Variants in ADAM23 observed in about 807,000 individuals in gnomAD.
ADAM23 encodes ADAM metallopeptidase domain 23.
ADAM23 carries 33 observed loss-of-function variants against 120.1 expected under a neutral mutation model. That is an observed-to-expected ratio of 0.27 (90% CI 0.21 to 0.37). The LOEUF is 0.37. ADAM23 is among the 10% of genes least tolerant of loss of function. The pLI is 1.00. For synonymous variants in ADAM23, 367 were observed against 375.2 expected (o/e 0.98, Z 0.25); for missense variants, 862 against 1,058.2 (o/e 0.81, Z 2.57).
intron 3 of ADAM23, among the ~76,000 whole-genome samples, chr2:206,491,733 A>G (rs972417160): frequency 1.3e-5 from 2 of 152,152 alleles, no homozygotes; most frequent in Admixed American, 6.5e-5. Flanking sequence ...GGGTTGTGTA[A>G]TTTTCATTAT....
chr2:206,596,225 C>A, intron 24 of ADAM23, 63 bp downstream of exon 24: 2 of 1,237,190 alleles, frequency 1.6e-6, no homozygotes, highest in Non-Finnish European at 2.4e-6. Context: ...TCCAATGCAC[C>A]AGTATAACAT....
chr2:206,584,861 T>C (rs922669183), intron 18 of ADAM23, among the ~76,000 whole-genome samples: 1 of 152,154 alleles, frequency 6.6e-6, no homozygotes, highest in Non-Finnish European at 1.5e-5. Context: ...TGGATCCCTA[T>C]GGTGCTAGGC....
intron 11 of ADAM23, among the ~76,000 whole-genome samples, chr2:206,560,433 T>G (rs1574534303): frequency 1.3e-5 from 2 of 152,122 alleles, no homozygotes; most frequent in Non-Finnish European, 2.9e-5. Context: ...GGCAAAAGGG[T>G]ACTCCTTCCA....
chr2:206,571,404 G>A (rs1309363955), intron 16 of ADAM23, among the ~76,000 whole-genome samples: 2 of 152,206 alleles, frequency 1.3e-5, no homozygotes, highest in Admixed American at 6.5e-5. Flanking sequence ...GAACCCGGGA[G>A]GCGGAGGTTG....
chr2:206,561,310 A>G (rs1355970547), intron 12 of ADAM23, 98 bp downstream of exon 12: 1 of 1,038,280 alleles, frequency 9.6e-7, no homozygotes, highest in African/African-American at 1.6e-5. Context: ...GAATGATGAC[A>G]TGGCAAATGT....
intron 3 of ADAM23, among the ~76,000 whole-genome samples, chr2:206,524,243 G>A (rs971304159): frequency 6.6e-6 from 1 of 152,184 alleles, no homozygotes; most frequent in Non-Finnish European, 1.5e-5. Flanking sequence ...TAACTTACAT[G>A]TTTTACTACT....
chr2:206,598,318 A>G (rs1698568588), intron 24 of ADAM23, among the ~76,000 whole-genome samples: 1 of 152,020 alleles, frequency 6.6e-6, no homozygotes, highest in Non-Finnish European at 1.5e-5. Context: ...TTCTTTAAGT[A>G]GAGTAGGGGG....
At chr2:206,491,811 C>T (rs943552545) in intron 3 of ADAM23, among the ~76,000 whole-genome samples, 21 of 152,276 alleles carry the variant, frequency 1.4e-4, no homozygotes, top group African/African-American at 2.6e-4. Context: ...TATCCCTTGA[C>T]GCCTGATGTA....
intron 3 of ADAM23, among the ~76,000 whole-genome samples, chr2:206,518,091 C>G (rs1001846372): frequency 6.6e-6 from 1 of 152,124 alleles, no homozygotes; most frequent in Admixed American, 6.6e-5. Context: ...AGTTGTCTGG[C>G]TGCAGGAAAA....
chr2:206,610,527 C>G (rs1341334161), intron 25 of ADAM23, among the ~76,000 whole-genome samples: 1 of 151,996 alleles, frequency 6.6e-6, no homozygotes, highest in Non-Finnish European at 1.5e-5. Context: ...TTGTATAATC[C>G]TCGACCAACT....
chr2:206,564,667 A>G (rs1305867378), intron 13 of ADAM23, among the ~76,000 whole-genome samples: 1 of 152,202 alleles, frequency 6.6e-6, no homozygotes, highest in Non-Finnish European at 1.5e-5. Flanking sequence ...ACTCTCTCAT[A>G]TGACAGATCT....
intron 18 of ADAM23, among the ~76,000 whole-genome samples, chr2:206,584,334 C>T (rs1168543336): frequency 2.0e-5 from 3 of 152,190 alleles, no homozygotes; most frequent in African/African-American, 7.2e-5. Flanking sequence ...TGCTGGTTGG[C>T]CTCCTGCCAC....
rs1271060316 is a variant in ADAM23, at chr2:206,621,117, T to G, written c.*3490T>G. 1 of 152,228 alleles carries G rather than the reference T, an allele frequency of 6.6e-6. No individual in the cohort carries two copies. Among genetic ancestry groups the G allele is most frequent in the African/African-American group, 2.4e-5 (1 of 41,460 alleles). 9.4% of individuals were successfully genotyped at this position (152,228 alleles called of 1,614,324 possible). Reference sequence around the variant, plus strand: ...TTAAGTCAAATGTGTATTAAAACTTTCGTTAACGTAGAATGTTGTAGCTTT... The same window carrying G: ...TTAAGTCAAATGTGTATTAAAACTTGCGTTAACGTAGAATGTTGTAGCTTT... On this transcript the variant is annotated 3_prime_UTR_variant, in exon 26 of 26. Transcript: ENST00000264377.
chr2:206,463,906 A>C (rs544472548), intron 2 of ADAM23, among the ~76,000 whole-genome samples: 2 of 152,358 alleles, frequency 1.3e-5, no homozygotes, highest in African/African-American at 4.8e-5. Context: ...TTGCTGTCTA[A>C]ATTATAGTTG....
rs549545892 is a variant in ADAM23 at position 206,602,250 on chromosome 2, A to G, written c.2359+6088A>G. ...TTAATAACTGAATTTATTTTGTTTC[A>G]GTTCAGAAAAACCCTATTTTCATTG... On this transcript the variant is annotated intron_variant, in intron 24 of 25. Coordinates refer to ENST00000264377, the MANE Select transcript of ADAM23 (RefSeq NM_003812.4). Among the ~76,000 whole-genome samples, 5 of 152,318 alleles carry G rather than the reference A, an allele frequency of 3.3e-5. No individual in the cohort carries two copies. The South Asian group carries it at 1.0e-3, about 32-fold the overall frequency.
At chr2:206,590,821 C>G (rs149047964) in intron 21 of ADAM23, among the ~76,000 whole-genome samples, 62 of 152,296 alleles carry the variant, frequency 4.1e-4, no homozygotes, top group South Asian at 4.2e-4. Context: ...CTGAAGTAGT[C>G]AAAATCCATG....
chr2:206,540,662 G>A (rs779719387), intron 4 of ADAM23, among the ~76,000 whole-genome samples: 3 of 152,000 alleles, frequency 2.0e-5, no homozygotes, highest in African/African-American at 4.8e-5. Flanking sequence ...TGCTAAGTTC[G>A]TATGGGGGGA....
intron 25 of ADAM23, among the ~76,000 whole-genome samples, chr2:206,610,486 A>G (rs1698806047): frequency 6.6e-6 from 1 of 152,244 alleles, no homozygotes; most frequent in Non-Finnish European, 1.5e-5. Context: ...GAAAAGCTTT[A>G]TAGTTTAATG....
chr2:206,571,629 A>C, intron 16 of ADAM23, 98 bp from the exon 17 acceptor site: 1 of 785,562 alleles, frequency 1.3e-6, no homozygotes, highest in Non-Finnish European at 2.2e-6. Flanking sequence ...ACTGTTGTAT[A>C]AATGTTCTCA....
Sources: gnomAD v4.1 joint callset for allele counts (sites outside exome capture counted in the v4.1 genomes callset) on GRCh38, gnomAD v4.1.1 for gene constraint, MANE v1.5 for transcripts, NCBI Gene and HGNC (gene_info 2026-07-23, HGNC 2026-07-21) for gene names.